Variants in DHX35 observed in about 807,000 individuals in gnomAD.
DHX35 encodes probable ATP-dependent RNA helicase DHX35.
In DHX35, 84 loss-of-function variants were observed where a neutral mutation model predicts 99.6. The observed-to-expected ratio is 0.84, with a 90% confidence interval of 0.71 to 1.01. DHX35 has a LOEUF of 1.01. Among genes scored for constraint, DHX35 ranks in the 50% least tolerant of loss-of-function variants. The pLI, the probability that DHX35 is intolerant of heterozygous loss-of-function variation, is 0.00. For missense variants in DHX35, 852 were observed against 888.5 expected (o/e 0.96, Z 0.52); for synonymous variants, 331 against 316.2 (o/e 1.05, Z -0.50).
chr20:38,989,064 G>T, intron 5 of DHX35, 147 bp downstream of exon 5: 1 of 647,278 alleles, frequency 1.5e-6, no homozygotes, highest in Non-Finnish European at 2.4e-6. Flanking sequence ...AGAGACTTTA[G>T]TCAGCTAGGA....
intron 19 of DHX35, chr20:39,030,424 C>A (rs995622108): frequency 1.2e-5 from 5 of 413,410 alleles, no homozygotes; most frequent in Non-Finnish European, 2.2e-5. Context: ...GCAGAAGATA[C>A]ACATAAACAT....
At chr20:38,977,594 T>C in intron 3 of DHX35, 1 of 302,882 alleles carries the variant, frequency 3.3e-6, no homozygotes, top group Non-Finnish European at 6.3e-6. Context: ...TCTTTAAAAA[T>C]GAAACAGGCA....
chr20:39,001,725 T>C lies in DHX35; in HGVS notation c.643-5T>C, dbSNP rs762047462. On this transcript the variant is annotated splice_polypyrimidine_tract_variant and splice_region_variant and intron_variant, in intron 8 of 21. Transcript: ENST00000252011. ...GAAATGAAGAATTAATTTTTTTCTT[T>C]TTAGAAATTCCGGGATTTCTTTAAT... The C allele has an allele frequency of 3.8e-6, 6 of 1,599,080 alleles. No individual in the cohort carries two copies. In the South Asian group the frequency reaches 6.9e-5, roughly 18 times the overall value.
intron 1 of DHX35, chr20:38,962,645 C>T (rs890740680): frequency 5.5e-6 from 3 of 544,800 alleles, no homozygotes; most frequent in Non-Finnish European, 9.8e-6. Context: ...GGTCCAGCCT[C>T]CTCAGGCCTC....
intron 8 of DHX35, among the ~76,000 whole-genome samples, chr20:38,995,164 G>A (rs2086408837): frequency 2.6e-5 from 4 of 152,044 alleles, no homozygotes; most frequent in African/African-American, 9.7e-5. Flanking sequence ...TTCAGTATAA[G>A]CCTGTATTTC....
intron 3 of DHX35, among the ~76,000 whole-genome samples, chr20:38,976,091 A>T (rs1568717530): frequency 6.6e-6 from 1 of 152,144 alleles, no homozygotes; most frequent in Non-Finnish European, 1.5e-5. Flanking sequence ...GCAGAGGCTG[A>T]GGATCTAGGC....
chr20:39,002,973 A>G lies in DHX35; in HGVS notation c.852+105A>G, dbSNP rs966320863. ...AGTCATGTATTTCATGTTTTGTTGT[A>G]TTTTGTGGTTCCATAATTGTGTAGA... is the stretch of plus-strand genomic sequence containing the variant. On this transcript the variant is annotated intron_variant, in intron 10 of 21. Coordinates refer to ENST00000252011, the MANE Select transcript of DHX35 (RefSeq NM_021931.4). 4.0e-6 allele frequency: 4 copies of G among 1,011,264 alleles called. No homozygotes were observed. The African/African-American group carries it at 5.0e-5, about 13-fold the overall frequency. The allele number at this position is 1,011,264 out of a possible 1,614,324, so 62.6% of individuals were successfully genotyped here. A position where few individuals can be genotyped will look rare whatever the true frequency, so the allele number is the denominator to read the frequency against.
At chr20:39,004,427 G>A (rs2086580047) in intron 11 of DHX35, among the ~76,000 whole-genome samples, 1 of 152,144 alleles carries the variant, frequency 6.6e-6, no homozygotes, top group Non-Finnish European at 1.5e-5. Flanking sequence ...ATCAGATCAG[G>A]TGACTTCTCT....
intron 4 of DHX35, 139 bp downstream of exon 4, chr20:38,983,915 T>A (rs1160884017): frequency 1.3e-6 from 1 of 751,646 alleles, no homozygotes; most frequent in Non-Finnish European, 2.1e-6. Flanking sequence ...TTTTTTATTT[T>A]TATTTTTTTC....
intron 13 of DHX35, among the ~76,000 whole-genome samples, chr20:39,011,254 C>T (rs542479462): frequency 6.7e-6 from 1 of 149,904 alleles, no homozygotes; most frequent in Non-Finnish European, 1.5e-5. Context: ...TTATATTTTA[C>T]TGTTTTTTTT....
At chr20:39,037,038 A>G (rs566978920) in intron 21 of DHX35, among the ~76,000 whole-genome samples, 1 of 152,260 alleles carries the variant, frequency 6.6e-6, no homozygotes, top group African/African-American at 2.4e-5. Context: ...GTTTTTCGGA[A>G]TGTTGCTCTC....
intron 3 of DHX35, among the ~76,000 whole-genome samples, chr20:38,976,750 C>T (rs1017008513): frequency 2.0e-5 from 3 of 152,148 alleles, no homozygotes; most frequent in Admixed American, 6.6e-5. Flanking sequence ...TCTCCCTACT[C>T]CCTGTTCCCC....
At chr20:38,964,842 A>G (rs73908215) in intron 1 of DHX35, among the ~76,000 whole-genome samples, 3,141 of 152,362 alleles carry the variant, frequency 0.021, 119 homozygotes, top group African/African-American at 0.072. Flanking sequence ...AGTGAAATCC[A>G]GGAGGGATGT....
At chr20:38,979,694 A>G (rs1464010080) in intron 3 of DHX35, among the ~76,000 whole-genome samples, 1 of 152,236 alleles carries the variant, frequency 6.6e-6, no homozygotes, top group Non-Finnish European at 1.5e-5. Flanking sequence ...TAAAGGTTAC[A>G]GCAAGGATAC....
chr20:38,970,138 G>A (rs8120715), intron 2 of DHX35, among the ~76,000 whole-genome samples: 27,862 of 152,050 alleles, frequency 0.18, 2,672 homozygotes, highest in Middle Eastern at 0.32. Context: ...GTTCAGGCTG[G>A]TCACGAACCC....
At position 39,023,977 on chromosome 20, in the gene DHX35, C is replaced by T. The variant is rs192466245; in HGVS notation, c.1671+210C>T. Reference sequence around the variant, plus strand: ...GTATTGCTGAGAAGAACACAGGAATCATTCATTGCTTTCCCTTGCTTGGAG... The same window carrying T: ...GTATTGCTGAGAAGAACACAGGAATTATTCATTGCTTTCCCTTGCTTGGAG... On this transcript the variant is annotated intron_variant, in intron 17 of 21. Coordinates refer to ENST00000252011, the MANE Select transcript of DHX35 (RefSeq NM_021931.4). 1.2e-4 allele frequency among the ~76,000 whole-genome samples: 19 copies of T among 152,376 alleles called. No individual in the cohort carries two copies. In the East Asian group the frequency reaches 3.5e-3, roughly 28 times the overall value.
chr20:38,968,182 C>G (rs2085937641), intron 1 of DHX35, among the ~76,000 whole-genome samples: 1 of 152,086 alleles, frequency 6.6e-6, no homozygotes, highest in African/African-American at 2.4e-5. Context: ...CTTGCTGGAC[C>G]ACGATGAATG....
chr20:38,985,926 T>G (rs899421920), intron 4 of DHX35, among the ~76,000 whole-genome samples: 30 of 152,250 alleles, frequency 2.0e-4, no homozygotes, highest in African/African-American at 7.0e-4. Flanking sequence ...ACAGATTGCA[T>G]AAGCTGTTGC....
At chr20:39,014,220 G>C (rs552964008) in intron 13 of DHX35, among the ~76,000 whole-genome samples, 1 of 152,168 alleles carries the variant, frequency 6.6e-6, no homozygotes, top group Non-Finnish European at 1.5e-5. Context: ...ACATAATTTA[G>C]AGAGAAAAAA....
Sources: allele counts gnomAD v4.1 joint callset (sites outside exome capture counted in the v4.1 genomes callset), GRCh38; gene constraint gnomAD v4.1.1; transcripts MANE v1.5; gene names NCBI Gene and HGNC (gene_info 2026-07-23, HGNC 2026-07-21).